The following INPP4B variants were observed in gnomAD, a reference collection of about 807,000 sequenced individuals.
The protein encoded by INPP4B is inositol polyphosphate-4-phosphatase type II B.
INPP4B carries 55 observed loss-of-function variants against 122.5 expected under a neutral mutation model. The observed-to-expected ratio is 0.45, with a 90% CI of 0.36 to 0.56. The LOEUF (loss-of-function observed/expected upper bound fraction) is 0.56. INPP4B is among the 20% of genes least tolerant of loss of function. The probability of loss-of-function intolerance (pLI) is 0.00; values close to 1 mark genes in which losing one functional copy is unlikely to be tolerated. For missense variants in INPP4B, 1,000 were observed against 1,097.7 expected (o/e 0.91, Z 1.26); for synonymous variants, 403 against 388.7 (o/e 1.04, Z -0.43).
At chr4:142,319,345 T>A (rs779243086) in intron 7 of INPP4B, among the ~76,000 whole-genome samples, 14 of 152,218 alleles carry the variant, frequency 9.2e-5, no homozygotes, top group Non-Finnish European at 1.8e-4. Flanking sequence ...ATAATGAATG[T>A]GTCTCATTTC....
intron 9 of INPP4B, among the ~76,000 whole-genome samples, chr4:142,298,609 G>A (rs1157402534): frequency 3.4e-5 from 5 of 147,328 alleles, no homozygotes; most frequent in African/African-American, 1.0e-4. Context: ...GCTTCAACCC[G>A]GGATGCAGAG....
At chr4:142,482,726 T>A (rs981903327) in intron 2 of INPP4B, among the ~76,000 whole-genome samples, 26 of 152,100 alleles carry the variant, frequency 1.7e-4, no homozygotes, top group African/African-American at 6.0e-4. Flanking sequence ...TGTACTGAGA[T>A]TAAAGCCTTT....
intron 23 of INPP4B, among the ~76,000 whole-genome samples, chr4:142,097,600 A>C (rs2152614389): frequency 6.6e-6 from 1 of 152,198 alleles, no homozygotes; most frequent in South Asian, 2.1e-4. Context: ...TATAGTAGCC[A>C]AGTTGAGTGG....
At chr4:142,073,500 G>A (rs977221835) in intron 25 of INPP4B, among the ~76,000 whole-genome samples, 1 of 152,104 alleles carries the variant, frequency 6.6e-6, no homozygotes, top group Non-Finnish European at 1.5e-5. Context: ...ATTCAAGTTA[G>A]AAGAAGGGTT....
intron 1 of INPP4B, among the ~76,000 whole-genome samples, chr4:142,728,949 TA>T (rs5862609): frequency 0.74 from 112,014 of 151,860 alleles, 41,449 homozygotes; most frequent in East Asian, 0.84. Flanking sequence ...TAGAACTTAT[TA>T]AAAAAAAATC....
chr4:142,245,515 G>A (rs1031236842), intron 11 of INPP4B, among the ~76,000 whole-genome samples: 3 of 151,898 alleles, frequency 2.0e-5, no homozygotes, highest in Non-Finnish European at 2.9e-5. Context: ...TTTTCGCATC[G>A]ATGTTCGTCA....
At chr4:142,574,682 A>T (rs184262439) in intron 2 of INPP4B, among the ~76,000 whole-genome samples, 11 of 152,214 alleles carry the variant, frequency 7.2e-5, no homozygotes, top group African/African-American at 2.2e-4. Context: ...TCCTCAATAA[A>T]GTTTCCCTGA....
chr4:142,337,075 CTA>C (rs1333178063), intron 7 of INPP4B, among the ~76,000 whole-genome samples: 1 of 151,920 alleles, frequency 6.6e-6, no homozygotes, highest in Non-Finnish European at 1.5e-5. Flanking sequence ...TACATAAATA[CTA>C]TATATATTCC....
intron 25 of INPP4B, among the ~76,000 whole-genome samples, chr4:142,044,675 T>C (rs1341188252): frequency 1.3e-5 from 2 of 152,036 alleles, no homozygotes; most frequent in Non-Finnish European, 1.5e-5. Context: ...TTAAGATATA[T>C]GAAATGAGGA....
intron 11 of INPP4B, among the ~76,000 whole-genome samples, chr4:142,240,966 A>T (rs1859059786): frequency 1.3e-5 from 2 of 152,098 alleles, no homozygotes. Flanking sequence ...ATATTGAACA[A>T]TGTGCCACAA....
intron 1 of INPP4B, among the ~76,000 whole-genome samples, chr4:142,838,031 G>C (rs1783018718): frequency 7.0e-6 from 1 of 143,292 alleles, no homozygotes; most frequent in South Asian, 2.1e-4. Flanking sequence ...TGGGAAAGTG[G>C]TGTTTTTTTT....
At chr4:142,705,624 A>T (rs1309698992) in intron 2 of INPP4B, among the ~76,000 whole-genome samples, 2 of 152,152 alleles carry the variant, frequency 1.3e-5, no homozygotes, top group Non-Finnish European at 2.9e-5. Context: ...GGTTCCGAGC[A>T]TGAGTCTCTA....
In INPP4B at chr4:142,663,932, C is replaced by T. The variant is rs550281217; in HGVS notation, c.-191+61907G>A. 1.7e-3 allele frequency among the ~76,000 whole-genome samples: 253 copies of T among 152,236 alleles called. 1 individual carries two copies. Among genetic ancestry groups the T allele is most frequent in the Admixed American group, 2.6e-3 (40 of 15,282 alleles). On this transcript the variant is annotated intron_variant, in intron 2 of 25. Transcript: ENST00000262992. Reference sequence around the variant, plus strand: ...AATGTTTGCTTAAATGAAGTAATTACCTTGGGAAAATATTTCCAGATATTC... The same window carrying T: ...AATGTTTGCTTAAATGAAGTAATTATCTTGGGAAAATATTTCCAGATATTC...
chr4:142,369,259 C>A (rs1038892816), intron 7 of INPP4B, among the ~76,000 whole-genome samples: 1 of 152,064 alleles, frequency 6.6e-6, no homozygotes, highest in Non-Finnish European at 1.5e-5. Context: ...CTAAGAGAGG[C>A]TTCATCCCCC....
chr4:142,495,832 G>T (rs1303429936), intron 2 of INPP4B, among the ~76,000 whole-genome samples: 2 of 152,106 alleles, frequency 1.3e-5, no homozygotes, highest in Non-Finnish European at 2.9e-5. Context: ...TTACTTCTTT[G>T]CTGAGTGGGC....
chr4:142,218,759 C>T lies in INPP4B; in HGVS notation c.837-9733G>A, dbSNP rs185697924. Among the ~76,000 whole-genome samples, 37 of 152,230 alleles carry T rather than the reference C, an allele frequency of 2.4e-4. 1 individual carries two copies. The East Asian group carries it at 6.7e-3, about 28-fold the overall frequency. On this transcript the variant is annotated intron_variant, in intron 12 of 25. Coordinates refer to ENST00000262992, the MANE Select transcript of INPP4B (RefSeq NM_001101669.3). The stretch of plus-strand genomic sequence containing the variant: ...GGTAGAAAGTTTAACAGCCAAGATG[C>T]TTTCATTCATTAAACAAAATTAGAC...
rs190057063 is a variant in INPP4B at position 142,776,874 on chromosome 4, A to G, written c.-253-50973T>C. Among the ~76,000 whole-genome samples the G allele has an allele frequency of 2.2e-3, 340 of 152,298 alleles. 1 individual carries two copies. The highest frequency in any genetic ancestry group is 0.017 in the Middle Eastern group (5 of 294). ...AGCTCTAGGAAAGCTCTAGTGAGCT[A>G]GTCCACACATGAATTCTGGCCTGAA... On this transcript the variant is annotated intron_variant, in intron 1 of 25. Transcript: ENST00000262992.
intron 8 of INPP4B, chr4:142,305,800 G>A: frequency 8.2e-7 from 1 of 1,222,224 alleles, no homozygotes. Flanking sequence ...AGCACCCAGA[G>A]TTGTTTCACT....
At position 142,028,400 on chromosome 4, in the gene INPP4B, C is replaced by T. The variant is rs1737717744; in HGVS notation, c.*382G>A. On this transcript the variant is annotated 3_prime_UTR_variant, in exon 26 of 26. Transcript: ENST00000262992. ...AAAAAAATATGTTCCTTTTCCCCCTCTCCTCTCTTCCATTTGGTTGGAGAG... is the reference window on the plus strand; with the variant it reads ...AAAAAAATATGTTCCTTTTCCCCCTTTCCTCTCTTCCATTTGGTTGGAGAG... The T allele has an allele frequency of 4.2e-6, 1 of 240,796 alleles. No individual in the cohort carries two copies. Among genetic ancestry groups the T allele is most frequent in the Non-Finnish European group, 8.1e-6 (1 of 123,684 alleles). 14.9% of individuals were successfully genotyped at this position (240,796 alleles called of 1,614,324 possible). A position where few individuals can be genotyped will look rare whatever the true frequency, so the allele number is the denominator to read the frequency against.
Sources: allele counts gnomAD v4.1 joint callset (sites outside exome capture counted in the v4.1 genomes callset), GRCh38; gene constraint gnomAD v4.1.1; transcripts MANE v1.5; gene names NCBI Gene and HGNC (gene_info 2026-07-23, HGNC 2026-07-21).